Variants in HTR2C observed in about 807,000 individuals in gnomAD.
HTR2C encodes 5-hydroxytryptamine receptor 2C.
HTR2C carries 5 observed loss-of-function variants against 21.0 expected under a neutral mutation model. The observed-to-expected ratio is 0.24, with a 90% CI of 0.12 to 0.50. The LOEUF (loss-of-function observed/expected upper bound fraction) is 0.50, where lower values mean the gene tolerates loss of function less well. Among genes scored for constraint, HTR2C ranks in the 20% least tolerant of loss-of-function variants. The probability of loss-of-function intolerance (pLI) is 0.98; values close to 1 mark genes in which losing one functional copy is unlikely to be tolerated. For missense variants in HTR2C, 271 were observed against 371.2 expected (o/e 0.73, Z 2.22); for synonymous variants, 150 against 145.3 (o/e 1.03, Z -0.23).
intron 4 of HTR2C, chrX:114,776,722 C>A: frequency 2.3e-6 from 1 of 442,253 alleles, no homozygotes; most frequent in South Asian, 2.5e-5. Context: ...GGAAAACACC[C>A]ACACAAGAGT....
intron 5 of HTR2C, among the ~76,000 whole-genome samples, chrX:114,893,424 C>CA (rs1263707137): frequency 9.0e-6 from 1 of 110,587 alleles, no homozygotes; most frequent in Non-Finnish European, 1.9e-5. Context: ...ATCAGTTTTC[C>CA]AAAAAAAGTG....
chrX:114,829,866 T>G (rs1371573200), intron 4 of HTR2C, among the ~76,000 whole-genome samples: 1 of 111,750 alleles, frequency 8.9e-6, no homozygotes, highest in East Asian at 2.8e-4. Context: ...CCACATTGTT[T>G]GATTATAATA....
chrX:114,833,837 T>C (rs1319358414), intron 4 of HTR2C, among the ~76,000 whole-genome samples: 2 of 110,701 alleles, frequency 1.8e-5, no homozygotes, highest in South Asian at 4.0e-4. Flanking sequence ...TGTGGGCATT[T>C]AGTGCTATAA....
In HTR2C at chrX:114,909,755, T is replaced by C. The variant is rs2071400959; in HGVS notation, c.*2340T>C. On this transcript the variant is annotated 3_prime_UTR_variant, in exon 6 of 6. Coordinates refer to ENST00000276198, the MANE Select transcript of HTR2C (RefSeq NM_000868.4). ...TATGAAACAAATATACTCATTTGGA[T>C]ATAAATCTTACCCTTCAATGTTAAA... The C allele has an allele frequency of 8.9e-6, 1 of 112,334 alleles. No individual in the cohort carries two copies. The highest frequency in any genetic ancestry group is 9.5e-5 in the Admixed American group (1 of 10,523). The allele number at this position is 112,334 out of a possible 1,213,427, so 9.3% of individuals were successfully genotyped here. A position where few individuals can be genotyped will look rare whatever the true frequency, so the allele number is the denominator to read the frequency against.
intron 2 of HTR2C, among the ~76,000 whole-genome samples, chrX:114,700,485 C>T (rs1932430246): frequency 8.9e-6 from 1 of 111,934 alleles, no homozygotes; most frequent in South Asian, 3.7e-4. Flanking sequence ...ACATCTACTT[C>T]CCTGATTTTT....
intron 5 of HTR2C, among the ~76,000 whole-genome samples, chrX:114,883,273 T>C (rs1040380977): frequency 9.0e-6 from 1 of 110,870 alleles, no homozygotes; most frequent in Admixed American, 9.7e-5. Context: ...TCTACCTATC[T>C]ATCCATCCAT....
At chrX:114,742,711 G>T (rs1602738647) in intron 4 of HTR2C, among the ~76,000 whole-genome samples, 2 of 81,418 alleles carry the variant, frequency 2.5e-5, no homozygotes, top group South Asian at 7.5e-4. Flanking sequence ...AGCAGCTACT[G>T]TTTTTTTTTT....
intron 4 of HTR2C, among the ~76,000 whole-genome samples, chrX:114,760,571 T>C (rs1360209632): frequency 8.9e-6 from 1 of 111,851 alleles, no homozygotes; most frequent in Admixed American, 9.5e-5. Context: ...GGCTAGAGTG[T>C]GGTGGCACAA....
At chrX:114,897,317 G>A (rs2071303969) in intron 5 of HTR2C, among the ~76,000 whole-genome samples, 1 of 111,422 alleles carries the variant, frequency 9.0e-6, no homozygotes, top group South Asian at 3.7e-4. Context: ...ACCATTTTGG[G>A]TGCTCCTCTT....
At chrX:114,812,563 C>T (rs1242825617) in intron 4 of HTR2C, among the ~76,000 whole-genome samples, 2 of 110,116 alleles carry the variant, frequency 1.8e-5, no homozygotes, top group South Asian at 4.0e-4. Context: ...AACCCCATCT[C>T]TACTAAAACT....
At chrX:114,881,344 C>T (rs965772225) in intron 5 of HTR2C, among the ~76,000 whole-genome samples, 1 of 110,213 alleles carries the variant, frequency 9.1e-6, no homozygotes, top group African/African-American at 3.3e-5. Context: ...TTTTTAATTT[C>T]GATAAAGTCT....
intron 2 of HTR2C, among the ~76,000 whole-genome samples, chrX:114,673,928 TATC>T (rs1490538093): frequency 9.0e-6 from 1 of 111,500 alleles, no homozygotes; most frequent in Non-Finnish European, 1.9e-5. Context: ...TAATATATAA[TATC>T]ATAATATATT....
At chrX:114,697,690 A>T (rs1453428384) in intron 2 of HTR2C, among the ~76,000 whole-genome samples, 2 of 112,510 alleles carry the variant, frequency 1.8e-5, no homozygotes, top group Non-Finnish European at 1.9e-5. Flanking sequence ...GTTCTCTACG[A>T]ATCATTTGGC....
intron 4 of HTR2C, among the ~76,000 whole-genome samples, chrX:114,776,980 C>A (rs782355421): frequency 8.9e-6 from 1 of 111,971 alleles, no homozygotes; most frequent in East Asian, 2.8e-4. Context: ...AAACATATTA[C>A]CTCAACTATC....
intron 4 of HTR2C, among the ~76,000 whole-genome samples, chrX:114,795,590 C>T (rs900694645): frequency 2.7e-4 from 30 of 111,407 alleles, no homozygotes; most frequent in African/African-American, 9.1e-4. Context: ...TATGGCTAGC[C>T]AGTTTTCCCA....
intron 2 of HTR2C, among the ~76,000 whole-genome samples, chrX:114,622,226 A>G (rs1602642922): frequency 1.8e-5 from 2 of 111,850 alleles, no homozygotes; most frequent in East Asian, 5.7e-4. Context: ...GATTTGAAAA[A>G]TGGTCTCCCC....
intron 4 of HTR2C, among the ~76,000 whole-genome samples, chrX:114,738,416 C>T (rs922868114): frequency 9.0e-6 from 1 of 111,419 alleles, no homozygotes; most frequent in South Asian, 3.7e-4. Flanking sequence ...TCAATTATAA[C>T]TTAAGAAAAC....
chrX:114,875,372 GTTGA>G (rs1276055594), intron 5 of HTR2C, among the ~76,000 whole-genome samples: 12 of 111,309 alleles, frequency 1.1e-4, no homozygotes, highest in Admixed American at 6.7e-4. Context: ...TTTTAATTTT[GTTGA>G]TTGTTTTCTT....
chrX:114,651,220 A>T (rs1312420140), intron 2 of HTR2C, among the ~76,000 whole-genome samples: 1 of 111,784 alleles, frequency 8.9e-6, no homozygotes, highest in Non-Finnish European at 1.9e-5. Context: ...TAGTCTTCAA[A>T]GCAAATAATT....
Sources: allele counts gnomAD v4.1 joint callset (sites outside exome capture counted in the v4.1 genomes callset), GRCh38; gene constraint gnomAD v4.1.1; transcripts MANE v1.5; gene names NCBI Gene and HGNC (gene_info 2026-07-23, HGNC 2026-07-21).